Variants in NOL8 observed in about 807,000 individuals in gnomAD.
NOL8 encodes nucleolar protein 8, also known as nucleolar protein Nop132.
In NOL8, 93 loss-of-function variants were observed where a neutral mutation model predicts 116.1. That is an observed-to-expected ratio of 0.80 (90% CI 0.68 to 0.95). NOL8 has a LOEUF of 0.95. NOL8 is among the 40% of genes least tolerant of loss of function. The probability of loss-of-function intolerance (pLI) is 0.00; values close to 1 mark genes in which losing one functional copy is unlikely to be tolerated. For synonymous variants in NOL8, 419 were observed against 469.0 expected, an observed-to-expected ratio of 0.89 and a Z score of 1.38; for missense variants, 1,291 against 1,382.8, an observed-to-expected ratio of 0.93 and a Z score of 1.05.
intron 10 of NOL8, among the ~76,000 whole-genome samples, chr9:92,308,368 A>T (rs1838466213): frequency 2.0e-5 from 3 of 149,268 alleles, no homozygotes; most frequent in Admixed American, 2.0e-4. Flanking sequence ...TCTCCAAAAA[A>T]ATAAAAATAA....
chr9:92,311,384 A>C (rs1407305939), intron 7 of NOL8, 125 bp from the exon 8 acceptor site: 16 of 608,976 alleles, frequency 2.6e-5, no homozygotes, highest in Non-Finnish European at 2.0e-5. Flanking sequence ...CTGCACAGCA[A>C]AAGAAAAACT....
At position 92,306,945 on chromosome 9, in the gene NOL8, A is replaced by G. The variant is rs1413895906; in HGVS notation, c.2766T>C (p.Val922=). 4 of 1,613,530 alleles carry G rather than the reference A, an allele frequency of 2.5e-6. No individual in the cohort carries two copies. The highest frequency in any genetic ancestry group is 1.7e-6 in the Non-Finnish European group (2 of 1,179,658). Residue 922 remains valine (V), a synonymous_variant, in exon 11 of 17, where the codon GTT becomes GTC. Coordinates refer to ENST00000442668, the MANE Select transcript of NOL8 (RefSeq NM_017948.6). The stretch of plus-strand genomic sequence containing the variant: ...TAGAATTGCTTAAGTTGATTTGCAA[A>G]ACACTTTGTACAACATTCAGGGCTT... The part of the protein sequence containing the change: ...KKKALNVVQS[V]LQINLSNSTN...
chr9:92,315,709 C>T lies in NOL8; in HGVS notation c.916G>A (p.Asp306Asn). 6.2e-7 allele frequency: 1 copy of T among 1,612,670 alleles called. No individual in the cohort carries two copies. The highest frequency in any genetic ancestry group is 8.5e-7 in the Non-Finnish European group (1 of 1,179,140). ...SISDDDTDSE[D>N]ELRMMIAKEE... ...TTCGCAATCATCATTCTCAATTCATCTTCAGAATCAGTATCATCATCAGAA... is the reference window on the plus strand; with the variant it reads ...TTCGCAATCATCATTCTCAATTCATTTTCAGAATCAGTATCATCATCAGAA... Residue 306 changes from aspartate (D) to asparagine (N), a missense_variant, in exon 7 of 17, where the codon GAT (aspartate) becomes AAT (asparagine). By Grantham distance (23) the Asp-to-Asn change is conservative (BLOSUM62 1). Transcript: ENST00000442668.
rs759415205 is a variant in NOL8, at chr9:92,314,650, C to G, written c.1975G>C (p.Val659Leu). Residue 659 changes from valine (V) to leucine (L), a missense_variant, in exon 7 of 17, where the codon GTG becomes CTG. Transcript: ENST00000442668. ...CTCTTTTCAGAACTGCTAGGGGACA[C>G]TGCCTTGCGATCCTGGCTTTCAAAA... ...TTFESQDRKA[V>L]SPSSSEKRSK... The G allele has an allele frequency of 5.6e-6, 9 of 1,613,616 alleles. No individual in the cohort carries two copies. The South Asian group carries it at 9.9e-5, about 18-fold the overall frequency.
In NOL8 at chr9:92,299,873, A is replaced by G. The variant is rs1837579214; in HGVS notation, c.3302+17T>C. 6.2e-7 allele frequency: 1 copy of G among 1,611,126 alleles called. No homozygotes were observed. Among genetic ancestry groups the G allele is most frequent in the African/African-American group, 1.3e-5 (1 of 74,850 alleles). On this transcript the variant is annotated intron_variant, in intron 14 of 16. Transcript: ENST00000442668. ...TACAAATTATGAACTATGCCTGCAA[A>G]GAAACAAATTGTTTACCCAGGACTG... is the stretch of plus-strand genomic sequence containing the variant.
chr9:92,314,583 G>A lies in NOL8; in HGVS notation c.2042C>T (p.Ser681Phe), dbSNP rs777553002. ...GTGAGTCTTTGCACTAAGACTTAAG[G>A]ACTTCTTACCTTCTAATGGCCTAGA... ...PISRPLEGKK[S>F]LSLSAKTHNI... The change falls in exon 7 of 17, where the codon TCC becomes TTC. Residue 681 changes from serine (S) to phenylalanine (F), a missense_variant. By Grantham distance (155) the Ser-to-Phe change is radical. Coordinates refer to ENST00000442668, the MANE Select transcript of NOL8 (RefSeq NM_017948.6). 1.1e-5 allele frequency: 17 copies of A among 1,612,804 alleles called. No homozygotes were observed. The East Asian group carries it at 3.6e-4, about 34-fold the overall frequency.
Position 92,316,060 on chromosome 9 carries a change from A to C in NOL8, c.565T>G (p.Ser189Ala), listed in dbSNP as rs370497469. Reference sequence around the variant, plus strand: ...CCTTCTAATTCCCAAGTCAGGCTGGATATAGGAATGGTGTTTGAGAAATCC... The same window carrying C: ...CCTTCTAATTCCCAAGTCAGGCTGGCTATAGGAATGGTGTTTGAGAAATCC... ...GEDFSNTIPI[S>A]SLTWELEGGN... The change falls in exon 7 of 17, where the codon TCC becomes GCC. Residue 189 changes from serine to alanine, a missense_variant. Coordinates refer to ENST00000442668, the MANE Select transcript of NOL8 (RefSeq NM_017948.6). 14 of 1,613,808 alleles carry C rather than the reference A, an allele frequency of 8.7e-6. No homozygotes were observed. The African/African-American group carries it at 1.9e-4, about 22-fold the overall frequency.
intron 7 of NOL8, among the ~76,000 whole-genome samples, chr9:92,312,222 AG>A (rs774685853): frequency 4.6e-5 from 7 of 152,148 alleles, no homozygotes; most frequent in Non-Finnish European, 7.4e-5. Flanking sequence ...TGGGAGGCCA[AG>A]GCAGGCTGAT....
At position 92,310,679 on chromosome 9, in the gene NOL8, T is replaced by C; in HGVS notation, c.2473-4A>G. ...CTGATGTTTTACCCATAGACTCCTGTGAAGAAACACAACATTTATTAATAG... is the reference window on the plus strand; with the variant it reads ...CTGATGTTTTACCCATAGACTCCTGCGAAGAAACACAACATTTATTAATAG... On this transcript the variant is annotated splice_region_variant and splice_polypyrimidine_tract_variant and intron_variant, in intron 8 of 16. Transcript: ENST00000442668. The C allele has an allele frequency of 6.3e-7, 1 of 1,596,352 alleles. No individual in the cohort carries two copies.
intron 4 of NOL8, among the ~76,000 whole-genome samples, chr9:92,320,901 C>T (rs1839871609): frequency 6.6e-6 from 1 of 152,202 alleles, no homozygotes. Flanking sequence ...GCCACCGTGC[C>T]CGGCCTCTAT....
In NOL8 at chr9:92,307,165, C is replaced by T. The variant is rs1322771996; in HGVS notation, c.2687-141G>A. 3.0e-5 allele frequency: 24 copies of T among 793,624 alleles called. No individual in the cohort carries two copies. The Admixed American group carries it at 7.4e-4, about 25-fold the overall frequency. 49.2% of individuals were successfully genotyped at this position (793,624 alleles called of 1,614,324 possible). Reference sequence around the variant, plus strand: ...GAAACTTTAACCTCATTTCACTAACCTCCATAACCAAAGACCCTCAGTCAT... The same window carrying T: ...GAAACTTTAACCTCATTTCACTAACTTCCATAACCAAAGACCCTCAGTCAT... On this transcript the variant is annotated intron_variant, in intron 10 of 16. Coordinates refer to ENST00000442668, the MANE Select transcript of NOL8 (RefSeq NM_017948.6).
chr9:92,310,247 CTG>C lies in NOL8; in HGVS notation c.2608_2609del (p.Gln870ValfsTer7), dbSNP rs1838649951. The C allele has an allele frequency of 6.2e-7, 1 of 1,607,948 alleles. No individual in the cohort carries two copies. The highest frequency in any genetic ancestry group is 8.5e-7 in the Non-Finnish European group (1 of 1,177,208). ...GRAGQKLMDL[Q>X]SHFGTDDRFR... Reference sequence around the variant, plus strand: ...ATCTGTCATCGGTGCCAAAGTGCGACTGTAAATCCATGAGCTACACAGACAGA... The same window carrying C: ...ATCTGTCATCGGTGCCAAAGTGCGACTAAATCCATGAGCTACACAGACAGA... On this transcript the variant is annotated frameshift_variant, in exon 10 of 17. Transcript: ENST00000442668. LOFTEE classifies it high-confidence loss of function.
At chr9:92,298,842 A>T in intron 15 of NOL8, 42 bp downstream of exon 15, 1 of 1,159,564 alleles carries the variant, frequency 8.6e-7, no homozygotes, top group Non-Finnish European at 1.2e-6. Context: ...CTGTATTATT[A>T]CCTGTTCTAT....
chr9:92,315,253 C>G lies in NOL8; in HGVS notation c.1372G>C (p.Asp458His), dbSNP rs1473296569. 6.2e-7 allele frequency: 1 copy of G among 1,613,970 alleles called. No individual in the cohort carries two copies. Among genetic ancestry groups the G allele is most frequent in the East Asian group, 2.2e-5 (1 of 44,886 alleles). Residue 458 changes from aspartate to histidine, a missense_variant, in exon 7 of 17, where the codon GAT becomes CAT. Asp to His is a moderately conservative substitution (Grantham distance 81). Coordinates refer to ENST00000442668, the MANE Select transcript of NOL8 (RefSeq NM_017948.6). Reference sequence around the variant, plus strand: ...GCTAATTCTGATGCAGAATCAGCATCTTCACTGCTACTGGAGTGAGAGGGA... The same window carrying G: ...GCTAATTCTGATGCAGAATCAGCATGTTCACTGCTACTGGAGTGAGAGGGA... ...KSPSHSSSSE[D>H]ADSASELADS...
intron 7 of NOL8, 109 bp from the exon 8 acceptor site, chr9:92,311,368 G>A (rs1030355277): frequency 1.9e-5 from 13 of 681,098 alleles, no homozygotes; most frequent in Middle Eastern, 3.1e-4. Flanking sequence ...TTAAACTAAA[G>A]AGCTTCTGCA....
In NOL8 at chr9:92,319,215, AC is replaced by A. The variant is rs1273845078; in HGVS notation, c.417+5del. The stretch of plus-strand genomic sequence containing the variant: ...GTAATTGGCTCAGGCTACAGAGGAG[AC>A]TCACCTTATGCCCTGGCACTTCTGT... On this transcript the variant is annotated splice_donor_5th_base_variant and intron_variant, in intron 5 of 16. Transcript: ENST00000442668. 6.5e-7 allele frequency: 1 copy of A among 1,541,972 alleles called. No homozygotes were observed. The highest frequency in any genetic ancestry group is 2.2e-5 in the Admixed American group (1 of 45,128).
Position 92,315,374 on chromosome 9 carries a change from G to T in NOL8, c.1251C>A (p.Asn417Lys). Residue 417 changes from asparagine to lysine, a missense_variant, in exon 7 of 17, where the codon AAC (asparagine) becomes AAA (lysine). Asn to Lys is a moderately conservative substitution (Grantham distance 94, BLOSUM62 0). Transcript: ENST00000442668. ...TKKTSFKNRE[N>K]CELSDHCIKL... ...TAATACAGTGATCAGAAAGCTCACA[G>T]TTTTCTCTATTTTTGAAAGAAGTTT... 1.2e-6 allele frequency: 2 copies of T among 1,605,424 alleles called. No individual in the cohort carries two copies.
chr9:92,316,018 T>C lies in NOL8; in HGVS notation c.607A>G (p.Ser203Gly), dbSNP rs1383939193. ...WELEGGNDPM[S>G]KKRRGEFSDF... ...GAGAACTCTCCTCGCCGTTTCTTACTCATAGGGTCATTCCCTCCTTCTAAT... is the reference window on the plus strand; with the variant it reads ...GAGAACTCTCCTCGCCGTTTCTTACCCATAGGGTCATTCCCTCCTTCTAAT... The change falls in exon 7 of 17, where the codon AGT (serine) becomes GGT (glycine). Residue 203 changes from serine to glycine, a missense_variant. Coordinates refer to ENST00000442668, the MANE Select transcript of NOL8 (RefSeq NM_017948.6). The C allele has an allele frequency of 6.8e-6, 11 of 1,613,892 alleles. No individual in the cohort carries two copies. Among genetic ancestry groups the C allele is most frequent in the Non-Finnish European group, 9.3e-6 (11 of 1,179,904 alleles).
At chr9:92,298,212 T>TCTAAC (rs1554733219) in intron 16 of NOL8, 45 bp downstream of exon 16, 2 of 1,402,626 alleles carry the variant, frequency 1.4e-6, no homozygotes, top group African/African-American at 2.9e-5. Context: ...TCTAGATAGG[T>TCTAAC]AACATGTCTA....
Sources: allele counts gnomAD v4.1 joint callset (sites outside exome capture counted in the v4.1 genomes callset), GRCh38; gene constraint gnomAD v4.1.1; transcripts MANE v1.5; gene names NCBI Gene and HGNC (gene_info 2026-07-23, HGNC 2026-07-21).